LRMDA: variants seen among roughly 807,000 people sequenced by gnomAD.
LRMDA encodes the protein leucine-rich melanocyte differentiation-associated protein.
LRMDA carries 18 observed loss-of-function variants against 29.8 expected under a neutral mutation model. That is an observed-to-expected ratio of 0.60 (90% CI 0.42 to 0.90). The LOEUF (loss-of-function observed/expected upper bound fraction) is 0.90. Among genes scored for constraint, LRMDA ranks in the 40% least tolerant of loss-of-function variants. The probability of loss-of-function intolerance (pLI) is 0.00; values close to 1 mark genes in which losing one functional copy is unlikely to be tolerated. For missense variants in LRMDA, 273 were observed against 273.9 expected (o/e 1.00, Z 0.02); for synonymous variants, 125 against 109.4 (o/e 1.14, Z -0.89).
chr10:76,220,068 A>G (rs1311834655), intron 5 of LRMDA, among the ~76,000 whole-genome samples: 5 of 152,222 alleles, frequency 3.3e-5, no homozygotes, highest in African/African-American at 4.8e-5. Flanking sequence ...TTTGAAACCA[A>G]TGAGAACAAA....
intron 6 of LRMDA, among the ~76,000 whole-genome samples, chr10:76,494,028 T>C (rs1589214667): frequency 6.6e-6 from 1 of 152,092 alleles, no homozygotes; most frequent in East Asian, 1.9e-4. Flanking sequence ...TGTATTATGT[T>C]ACTTACATAA....
intron 5 of LRMDA, among the ~76,000 whole-genome samples, chr10:76,164,372 A>G (rs918671500): frequency 1.3e-5 from 2 of 152,244 alleles, no homozygotes; most frequent in East Asian, 1.9e-4. Context: ...TTACTACCCA[A>G]TGAGTAGTCT....
At chr10:76,546,588 T>A (rs1843423752) in intron 6 of LRMDA, among the ~76,000 whole-genome samples, 1 of 152,176 alleles carries the variant, frequency 6.6e-6, no homozygotes, top group African/African-American at 2.4e-5. Flanking sequence ...CACTGACCAC[T>A]TGAGAGGCCT....
intron 2 of LRMDA, among the ~76,000 whole-genome samples, chr10:75,795,358 A>C (rs1301397826): frequency 1.3e-5 from 2 of 152,110 alleles, no homozygotes; most frequent in Non-Finnish European, 1.5e-5. Context: ...GCACCACTGC[A>C]CTCCAGCATG....
At chr10:76,175,528 A>C (rs1392433176) in intron 5 of LRMDA, among the ~76,000 whole-genome samples, 1 of 152,204 alleles carries the variant, frequency 6.6e-6, no homozygotes, top group Non-Finnish European at 1.5e-5. Context: ...TTAACAGGCC[A>C]GATAAGGGTC....
intron 2 of LRMDA, among the ~76,000 whole-genome samples, chr10:75,814,463 A>G (rs2132274558): frequency 6.6e-6 from 1 of 152,294 alleles, no homozygotes; most frequent in East Asian, 1.9e-4. Flanking sequence ...TAAAGGGGGA[A>G]ATAATTTGGC....
At chr10:76,195,412 C>T (rs1280405890) in intron 5 of LRMDA, among the ~76,000 whole-genome samples, 1 of 152,148 alleles carries the variant, frequency 6.6e-6, no homozygotes, top group East Asian at 1.9e-4. Context: ...TTCATTTGTC[C>T]ATCTAATTAG....
chr10:75,586,693 A>G (rs1840660604), intron 2 of LRMDA, among the ~76,000 whole-genome samples: 1 of 151,836 alleles, frequency 6.6e-6, no homozygotes, highest in Admixed American at 6.6e-5. Flanking sequence ...GTGATAACTC[A>G]TGGTTTTGAT....
chr10:76,144,861 C>T (rs576910760), intron 5 of LRMDA, among the ~76,000 whole-genome samples: 6 of 152,126 alleles, frequency 3.9e-5, no homozygotes, highest in Non-Finnish European at 5.9e-5. Flanking sequence ...TTTTGAGATA[C>T]GTCCCATCAA....
Position 76,477,066 on chromosome 10 carries a change from T to C in LRMDA, c.602-80143T>C, listed in dbSNP as rs1040638621. ...TTCTGGCCAGGGCAATCAGGCAGGA[T>C]AAATAAATAAAGGGCATTCAATTAG... On this transcript the variant is annotated intron_variant, in intron 6 of 6. Coordinates refer to ENST00000611255, the MANE Select transcript of LRMDA (RefSeq NM_001305581.2). Among the ~76,000 whole-genome samples, 16 of 151,948 alleles carry C rather than the reference T, an allele frequency of 1.1e-4. No individual in the cohort carries two copies. The East Asian group carries it at 3.1e-3, about 30-fold the overall frequency.
chr10:76,537,205 C>A (rs922585570), intron 6 of LRMDA, among the ~76,000 whole-genome samples: 2 of 152,322 alleles, frequency 1.3e-5, no homozygotes, highest in Non-Finnish European at 2.9e-5. Context: ...TGTGTACATT[C>A]CCTGCCCCAC....
intron 2 of LRMDA, among the ~76,000 whole-genome samples, chr10:75,807,751 A>G (rs1843881445): frequency 6.6e-6 from 1 of 152,202 alleles, no homozygotes; most frequent in Non-Finnish European, 1.5e-5. Flanking sequence ...GTGTTCTTTG[A>G]TCTGCCGTAG....
At chr10:76,292,400 C>A (rs577342394) in intron 5 of LRMDA, among the ~76,000 whole-genome samples, 1 of 152,072 alleles carries the variant, frequency 6.6e-6, no homozygotes, top group Non-Finnish European at 1.5e-5. Context: ...ATCCTTGGGA[C>A]CCTAGTCTGC....
chr10:76,199,173 CTTCATA>C (rs1157836887), intron 5 of LRMDA, among the ~76,000 whole-genome samples: 2 of 152,138 alleles, frequency 1.3e-5, no homozygotes, highest in Non-Finnish European at 2.9e-5. Context: ...TGTTTTGGAA[CTTCATA>C]TTCATGAAGC....
At chr10:75,549,484 G>C (rs1840117121) in intron 2 of LRMDA, among the ~76,000 whole-genome samples, 1 of 152,026 alleles carries the variant, frequency 6.6e-6, no homozygotes, top group Non-Finnish European at 1.5e-5. Flanking sequence ...TTAGAGACAA[G>C]GTATTGTTAC....
intron 2 of LRMDA, among the ~76,000 whole-genome samples, chr10:75,526,750 G>A (rs951962791): frequency 1.3e-5 from 2 of 151,796 alleles, no homozygotes; most frequent in Non-Finnish European, 2.9e-5. Context: ...CTATTACTCT[G>A]GTGGAGACTA....
At chr10:75,443,691 T>C (rs1174152359) in intron 2 of LRMDA, among the ~76,000 whole-genome samples, 2 of 152,168 alleles carry the variant, frequency 1.3e-5, no homozygotes, top group Admixed American at 6.5e-5. Flanking sequence ...ATCAGGACAA[T>C]GTTGGTCTTG....
chr10:76,112,192 CCTT>C lies in LRMDA; in HGVS notation c.516+53412_516+53414del, dbSNP rs1329484986. On this transcript the variant is annotated intron_variant, in intron 5 of 6. Transcript: ENST00000611255. ...GGAGGGCGGACGGGGACCCCTGTCT[CCTT>C]CTAGCGGCGAGGAATGAGCCTGGGG... 6.6e-5 allele frequency among the ~76,000 whole-genome samples: 10 copies of C among 152,244 alleles called. No homozygotes were observed. The South Asian group carries it at 8.3e-4, about 13-fold the overall frequency.
chr10:75,704,241 A>G (rs574964692), intron 2 of LRMDA, among the ~76,000 whole-genome samples: 1 of 152,222 alleles, frequency 6.6e-6, no homozygotes, highest in Non-Finnish European at 1.5e-5. Flanking sequence ...GGACTTTTTC[A>G]GTTCAACAAT....
Sources: gnomAD v4.1 joint callset for allele counts (sites outside exome capture counted in the v4.1 genomes callset) on GRCh38, gnomAD v4.1.1 for gene constraint, MANE v1.5 for transcripts, NCBI Gene and HGNC (gene_info 2026-07-23, HGNC 2026-07-21) for gene names.